The following SLC4A10 variants were observed in gnomAD, a reference collection of about 807,000 sequenced individuals.
The protein encoded by SLC4A10 is sodium-driven chloride bicarbonate exchanger.
In SLC4A10, 42 loss-of-function variants were observed where a neutral mutation model predicts 137.7. The ratio of observed to expected loss-of-function variants is 0.30; its 90% CI spans 0.24 to 0.39. The LOEUF is 0.39. SLC4A10 is among the 10% of genes least tolerant of loss of function. The pLI, the probability that SLC4A10 is intolerant of heterozygous loss-of-function variation, is 1.00. For synonymous variants in SLC4A10, 474 were observed against 464.1 expected (o/e 1.02, Z -0.27); for missense variants, 925 against 1,355.0 (o/e 0.68, Z 4.98).
chr2:161,945,096 A>C (rs1403862234), intron 16 of SLC4A10, among the ~76,000 whole-genome samples: 1 of 149,458 alleles, frequency 6.7e-6, no homozygotes, highest in East Asian at 2.0e-4. Context: ...AACATTTGAT[A>C]GAAGTACTTA....
At chr2:161,876,209 A>G (rs6716303) in intron 8 of SLC4A10, among the ~76,000 whole-genome samples, 80,458 of 151,942 alleles carry the variant, frequency 0.53, 21,895 homozygotes, top group East Asian at 0.85. Flanking sequence ...GATCCTATTC[A>G]GAGGACCAGA....
intron 1 of SLC4A10, among the ~76,000 whole-genome samples, chr2:161,684,898 C>A (rs747441484): frequency 3.3e-5 from 5 of 152,128 alleles, no homozygotes; most frequent in Non-Finnish European, 5.9e-5. Flanking sequence ...AATAGGCAGT[C>A]ATCTTCCTAT....
At position 161,838,834 on chromosome 2, in the gene SLC4A10, A is replaced by G. The variant is rs564980436; in HGVS notation, c.278-955A>G. 2.0e-5 allele frequency among the ~76,000 whole-genome samples: 3 copies of G among 152,352 alleles called. No homozygotes were observed. The South Asian group carries it at 6.2e-4, about 32-fold the overall frequency. On this transcript the variant is annotated intron_variant, in intron 3 of 26. Transcript: ENST00000446997. ...TACCAAGTGCTGGTGAAGATTCAGA[A>G]CAACTGCAACTCTCTTGCATTGCTC...
intron 15 of SLC4A10, among the ~76,000 whole-genome samples, chr2:161,940,137 T>C (rs1346839237): frequency 6.6e-6 from 1 of 152,104 alleles, no homozygotes; most frequent in Non-Finnish European, 1.5e-5. Flanking sequence ...TAAATCTTGG[T>C]AAGAACAATG....
chr2:161,841,297 C>T (rs2059165615), intron 4 of SLC4A10, among the ~76,000 whole-genome samples: 1 of 151,996 alleles, frequency 6.6e-6, no homozygotes, highest in Non-Finnish European at 1.5e-5. Flanking sequence ...AGGCTGGTCT[C>T]GAACTCCTGA....
At chr2:161,749,210 A>G (rs1261713097) in intron 1 of SLC4A10, among the ~76,000 whole-genome samples, 2 of 151,994 alleles carry the variant, frequency 1.3e-5, no homozygotes, top group African/African-American at 4.8e-5. Context: ...ATATAGAATT[A>G]TGTCATCTAT....
intron 2 of SLC4A10, among the ~76,000 whole-genome samples, chr2:161,787,647 G>A (rs1327839709): frequency 1.3e-5 from 2 of 152,102 alleles, no homozygotes; most frequent in East Asian, 3.9e-4. Flanking sequence ...TTGTCTGACT[G>A]GATTAATTTG....
chr2:161,904,913 A>C lies in SLC4A10; in HGVS notation c.1751+4A>C. ...AGATTTTGTTTAAATTTTGCAAGTAAGTGTTATGTACTTTTTGGCCCTTAG... is the reference window on the plus strand; with the variant it reads ...AGATTTTGTTTAAATTTTGCAAGTACGTGTTATGTACTTTTTGGCCCTTAG... On this transcript the variant is annotated splice_donor_region_variant and intron_variant, in intron 14 of 26. Transcript: ENST00000446997. 6.2e-7 allele frequency: 1 copy of C among 1,613,814 alleles called. No homozygotes were observed. Among genetic ancestry groups the C allele is most frequent in the Non-Finnish European group, 8.5e-7 (1 of 1,179,822 alleles).
chr2:161,675,644 A>G (rs897294040), intron 1 of SLC4A10, among the ~76,000 whole-genome samples: 1 of 152,154 alleles, frequency 6.6e-6, no homozygotes, highest in Non-Finnish European at 1.5e-5. Flanking sequence ...AGATCTTTTT[A>G]ATGCTCCTAT....
intron 1 of SLC4A10, among the ~76,000 whole-genome samples, chr2:161,745,938 TCTCA>T (rs2048344174): frequency 6.6e-6 from 1 of 152,106 alleles, no homozygotes; most frequent in South Asian, 2.1e-4. Context: ...ATGGAGTTTC[TCTCA>T]CAACCTTAGG....
intron 6 of SLC4A10, among the ~76,000 whole-genome samples, chr2:161,864,780 G>T (rs1252648830): frequency 1.3e-5 from 2 of 152,042 alleles, no homozygotes; most frequent in African/African-American, 2.4e-5. Context: ...TTTAAAATAT[G>T]TGATACATAA....
At chr2:161,980,842 A>G (rs984584766) in intron 26 of SLC4A10, among the ~76,000 whole-genome samples, 1 of 152,248 alleles carries the variant, frequency 6.6e-6, no homozygotes, top group Non-Finnish European at 1.5e-5. Context: ...CCTGGCATAT[A>G]ATAGATATGC....
chr2:161,906,964 G>A (rs191672642), intron 15 of SLC4A10, among the ~76,000 whole-genome samples: 2,272 of 150,452 alleles, frequency 0.015, 55 homozygotes, highest in African/African-American at 0.053. Context: ...GCTGAGGCAG[G>A]AGAATGGCGT....
chr2:161,813,943 TACCCCCA>T (rs2056806916), intron 3 of SLC4A10, among the ~76,000 whole-genome samples: 5 of 152,090 alleles, frequency 3.3e-5, no homozygotes, highest in African/African-American at 1.2e-4. Flanking sequence ...TTTTGAAAAG[TACCCCCA>T]GGTGATTCTT....
intron 1 of SLC4A10, among the ~76,000 whole-genome samples, chr2:161,640,534 A>T (rs1232603734): frequency 1.3e-5 from 2 of 152,116 alleles, no homozygotes; most frequent in African/African-American, 2.4e-5. Context: ...TTTCTTTTGT[A>T]TTCCATTTAC....
chr2:161,696,160 G>A (rs1559050448), intron 1 of SLC4A10, among the ~76,000 whole-genome samples: 1 of 151,718 alleles, frequency 6.6e-6, no homozygotes, highest in African/African-American at 2.4e-5. Flanking sequence ...AGAACATGTG[G>A]TGTTTGTTTT....
At chr2:161,663,363 T>C (rs2038671622) in intron 1 of SLC4A10, among the ~76,000 whole-genome samples, 1 of 152,144 alleles carries the variant, frequency 6.6e-6, no homozygotes, top group South Asian at 2.1e-4. Context: ...TCTTTGATGA[T>C]TTGGGGCTAT....
intron 1 of SLC4A10, among the ~76,000 whole-genome samples, chr2:161,658,501 A>G (rs1305864818): frequency 6.6e-6 from 1 of 152,010 alleles, no homozygotes; most frequent in Non-Finnish European, 1.5e-5. Context: ...AGTATGGTGA[A>G]TTTTGCTTAC....
chr2:161,753,619 A>G (rs995516991), intron 1 of SLC4A10, among the ~76,000 whole-genome samples: 8 of 152,152 alleles, frequency 5.3e-5, no homozygotes, highest in Non-Finnish European at 4.4e-5. Context: ...TGTCATAGCT[A>G]TTAGTAGTAG....
Sources: gnomAD v4.1 joint callset for allele counts (sites outside exome capture counted in the v4.1 genomes callset) on GRCh38, gnomAD v4.1.1 for gene constraint, MANE v1.5 for transcripts, NCBI Gene and HGNC (gene_info 2026-07-23, HGNC 2026-07-21) for gene names.